The following NUBPL variants were observed in gnomAD, a reference collection of about 807,000 sequenced individuals.
The protein encoded by NUBPL is NUBP iron-sulfur cluster assembly factor, mitochondrial, also known as iron-sulfur cluster transfer protein NUBPL.
Under a neutral mutation model 45.7 loss-of-function variants are expected in NUBPL, and 31 were observed. The ratio of observed to expected loss-of-function variants is 0.68; its 90% CI spans 0.51 to 0.92. NUBPL has a LOEUF of 0.92. NUBPL is among the 40% of genes least tolerant of loss of function. NUBPL has a pLI of 0.00. For synonymous variants in NUBPL, 144 were observed against 140.9 expected (o/e 1.02, Z -0.15); for missense variants, 401 against 398.7 (o/e 1.01, Z -0.05).
At chr14:31,583,754 A>T (rs892889717) in intron 3 of NUBPL, among the ~76,000 whole-genome samples, 2 of 152,152 alleles carry the variant, frequency 1.3e-5, no homozygotes, top group Non-Finnish European at 2.9e-5. Flanking sequence ...TAACCTCAGC[A>T]GGAAAGAGCA....
chr14:31,652,646 C>T (rs191423320), intron 4 of NUBPL, among the ~76,000 whole-genome samples: 1 of 152,018 alleles, frequency 6.6e-6, no homozygotes, highest in African/African-American at 2.4e-5. Context: ...AATATGTGTG[C>T]CCTGATTTTA....
chr14:31,613,122 C>G (rs532507652), intron 4 of NUBPL, among the ~76,000 whole-genome samples: 64 of 152,232 alleles, frequency 4.2e-4, no homozygotes, highest in African/African-American at 1.4e-3. Context: ...TAAAAAGGAA[C>G]GAGATCCTGT....
In NUBPL at chr14:31,671,474, G is replaced by C. The variant is rs184610542; in HGVS notation, c.383-1881G>C. ...GGAAAGCAAGTTTGTTTCCAAATTA[G>C]GAAAAATCTCTTAGTGTAACTCACC... On this transcript the variant is annotated intron_variant, in intron 4 of 10. Transcript: ENST00000281081. 1.1e-3 allele frequency among the ~76,000 whole-genome samples: 165 copies of C among 152,212 alleles called. No homozygotes were observed. The Middle Eastern group carries it at 0.014, about 13-fold the overall frequency.
intron 7 of NUBPL, among the ~76,000 whole-genome samples, chr14:31,802,778 A>G (rs145512023): frequency 6.6e-6 from 1 of 152,202 alleles, no homozygotes; most frequent in African/African-American, 2.4e-5. Context: ...TGTCCTTTCT[A>G]CCTGTCTAGG....
intron 4 of NUBPL, among the ~76,000 whole-genome samples, chr14:31,603,843 C>T (rs980753199): frequency 1.3e-5 from 2 of 151,996 alleles, no homozygotes; most frequent in African/African-American, 2.4e-5. Flanking sequence ...ACTTAGTTTG[C>T]AAATATATGA....
chr14:31,815,659 A>C (rs1021876201), intron 7 of NUBPL, among the ~76,000 whole-genome samples: 1 of 152,130 alleles, frequency 6.6e-6, no homozygotes, highest in African/African-American at 2.4e-5. Context: ...TCAGTATGAT[A>C]CTGGCTGTCG....
intron 4 of NUBPL, among the ~76,000 whole-genome samples, chr14:31,640,943 T>C (rs1042830291): frequency 4.1e-5 from 5 of 121,138 alleles, no homozygotes; most frequent in African/African-American, 1.2e-4. Flanking sequence ...TTATTTCTTT[T>C]TGTTTTTTTG....
chr14:31,705,732 A>C (rs748992020), intron 6 of NUBPL, among the ~76,000 whole-genome samples: 7 of 152,084 alleles, frequency 4.6e-5, no homozygotes, highest in Non-Finnish European at 1.0e-4. Flanking sequence ...TAGACAGAAA[A>C]ATTCTCCAGG....
chr14:31,701,140 G>GCTAATC (rs2037328350), intron 6 of NUBPL, among the ~76,000 whole-genome samples: 1 of 151,778 alleles, frequency 6.6e-6, no homozygotes, highest in South Asian at 2.1e-4. Flanking sequence ...AGCTAATCTG[G>GCTAATC]TGGGGACTTG....
At chr14:31,752,089 G>A (rs866843154) in intron 6 of NUBPL, among the ~76,000 whole-genome samples, 1 of 152,198 alleles carries the variant, frequency 6.6e-6, no homozygotes, top group Non-Finnish European at 1.5e-5. Flanking sequence ...CCTGTGCTGG[G>A]AGGGGCTGTC....
intron 4 of NUBPL, among the ~76,000 whole-genome samples, chr14:31,612,679 A>C (rs1182368598): frequency 6.6e-6 from 1 of 152,000 alleles, no homozygotes; most frequent in Admixed American, 6.6e-5. Flanking sequence ...AAAGAAAAGA[A>C]AAGAAAAGAA....
intron 6 of NUBPL, among the ~76,000 whole-genome samples, chr14:31,713,947 TACTA>T (rs2037631412): frequency 6.6e-6 from 1 of 152,218 alleles, no homozygotes; most frequent in Non-Finnish European, 1.5e-5. Flanking sequence ...TCTTAGTCTT[TACTA>T]ACTCTTTTCC....
At chr14:31,723,918 A>C (rs184683791) in intron 6 of NUBPL, among the ~76,000 whole-genome samples, 1 of 152,164 alleles carries the variant, frequency 6.6e-6, no homozygotes, top group African/African-American at 2.4e-5. Flanking sequence ...CTCTTGTTCC[A>C]TTGGGATGCC....
chr14:31,691,059 A>G (rs532465186), intron 6 of NUBPL, among the ~76,000 whole-genome samples: 1 of 18,944 alleles, frequency 5.3e-5, no homozygotes, highest in South Asian at 3.3e-3. Flanking sequence ...AAACATTTTT[A>G]GAGAAAAAAA....
At chr14:31,832,224 T>A (rs1250510535) in intron 8 of NUBPL, among the ~76,000 whole-genome samples, 1 of 152,152 alleles carries the variant, frequency 6.6e-6, no homozygotes, top group Non-Finnish European at 1.5e-5. Flanking sequence ...TAAGACAGTT[T>A]AAAAAGTTGG....
intron 3 of NUBPL, among the ~76,000 whole-genome samples, chr14:31,573,521 G>A (rs1034575329): frequency 2.6e-5 from 4 of 152,170 alleles, no homozygotes; most frequent in Non-Finnish European, 5.9e-5. Flanking sequence ...CCCTGTGACT[G>A]TCTTTGTCTC....
intron 7 of NUBPL, among the ~76,000 whole-genome samples, chr14:31,798,244 C>T (rs1288235490): frequency 6.7e-6 from 1 of 149,270 alleles, no homozygotes; most frequent in South Asian, 2.1e-4. Context: ...AGGAAACGTG[C>T]ATTTTATTTT....
intron 6 of NUBPL, among the ~76,000 whole-genome samples, chr14:31,777,684 T>A (rs1173858398): frequency 6.6e-6 from 1 of 151,998 alleles, no homozygotes; most frequent in Non-Finnish European, 1.5e-5. Flanking sequence ...CAGCCAGGAG[T>A]CTTTCTGAAG....
chr14:31,670,865 G>T (rs1436979120), intron 4 of NUBPL, among the ~76,000 whole-genome samples: 1 of 152,142 alleles, frequency 6.6e-6, no homozygotes, highest in African/African-American at 2.4e-5. Flanking sequence ...TGCTGTTTTG[G>T]TTACGGTAGC....
Sources: allele counts gnomAD v4.1 joint callset (sites outside exome capture counted in the v4.1 genomes callset), GRCh38; gene constraint gnomAD v4.1.1; transcripts MANE v1.5; gene names NCBI Gene and HGNC (gene_info 2026-07-23, HGNC 2026-07-21).